Variants in SLC24A3 observed in about 807,000 individuals in gnomAD.
The protein encoded by SLC24A3 is sodium/potassium/calcium exchanger 3.
SLC24A3 carries 28 observed loss-of-function variants against 75.8 expected under a neutral mutation model. That is an observed-to-expected ratio of 0.37 (90% CI 0.27 to 0.51). The LOEUF (loss-of-function observed/expected upper bound fraction) is 0.51. Among genes scored for constraint, SLC24A3 ranks in the 20% least tolerant of loss-of-function variants. SLC24A3 has a pLI of 0.94. For synonymous variants in SLC24A3, 372 were observed against 334.1 expected, an observed-to-expected ratio of 1.11 and a Z score of -1.24; for missense variants, 663 against 847.8, an observed-to-expected ratio of 0.78 and a Z score of 2.71.
chr20:19,436,844 G>C (rs1176881265), intron 2 of SLC24A3, among the ~76,000 whole-genome samples: 1 of 152,084 alleles, frequency 6.6e-6, no homozygotes, highest in Non-Finnish European at 1.5e-5. Context: ...GACCATTTTT[G>C]GTTCAGCACA....
intron 9 of SLC24A3, among the ~76,000 whole-genome samples, chr20:19,677,686 C>CTTTTTT (rs796484728): frequency 3.5e-5 from 4 of 113,928 alleles, no homozygotes; most frequent in Non-Finnish European, 5.4e-5. Flanking sequence ...TTTTTTTTTT[C>CTTTTTT]TTTTTTTTTT....
At chr20:19,321,893 A>G (rs1984715745) in intron 2 of SLC24A3, among the ~76,000 whole-genome samples, 1 of 152,002 alleles carries the variant, frequency 6.6e-6, no homozygotes, top group Non-Finnish European at 1.5e-5. Context: ...ATCTCCTGCC[A>G]TTTTCTTTTT....
intron 12 of SLC24A3, among the ~76,000 whole-genome samples, chr20:19,691,281 G>A (rs1004453934): frequency 6.6e-6 from 1 of 152,224 alleles, no homozygotes; most frequent in African/African-American, 2.4e-5. Context: ...AGTGGCCTGC[G>A]TGACAGGGCA....
intron 2 of SLC24A3, among the ~76,000 whole-genome samples, chr20:19,296,924 A>G (rs1239050418): frequency 6.6e-6 from 1 of 152,298 alleles, no homozygotes; most frequent in East Asian, 1.9e-4. Context: ...AATTTTCCAA[A>G]TATTTTTTAT....
chr20:19,239,801 G>A (rs1404354647), intron 1 of SLC24A3, among the ~76,000 whole-genome samples: 1 of 152,208 alleles, frequency 6.6e-6, no homozygotes, highest in Non-Finnish European at 1.5e-5. Context: ...GGGAGTGGAG[G>A]CATGGGTGAG....
At chr20:19,297,645 T>C in intron 2 of SLC24A3, among the ~76,000 whole-genome samples, 1 of 152,254 alleles carries the variant, frequency 6.6e-6, no homozygotes, top group Non-Finnish European at 1.5e-5. Context: ...TCTATACATA[T>C]TGATGACATA....
intron 6 of SLC24A3, among the ~76,000 whole-genome samples, chr20:19,653,745 C>T (rs1178479390): frequency 6.6e-6 from 1 of 152,174 alleles, no homozygotes; most frequent in Non-Finnish European, 1.5e-5. Flanking sequence ...GACAGTGCAC[C>T]CAACCATCCC....
intron 3 of SLC24A3, among the ~76,000 whole-genome samples, chr20:19,540,384 C>T (rs1372882424): frequency 2.0e-5 from 3 of 152,208 alleles, no homozygotes; most frequent in Non-Finnish European, 2.9e-5. Flanking sequence ...TCTCTGCCAT[C>T]GCTGGAACAG....
chr20:19,514,245 G>A (rs1568640443), intron 2 of SLC24A3, among the ~76,000 whole-genome samples: 1 of 152,202 alleles, frequency 6.6e-6, no homozygotes, highest in Non-Finnish European at 1.5e-5. Flanking sequence ...TAGCAGCACT[G>A]TCTTTGTCTC....
intron 10 of SLC24A3, among the ~76,000 whole-genome samples, chr20:19,682,541 C>A (rs1397734252): frequency 3.9e-5 from 6 of 152,164 alleles, no homozygotes; most frequent in Non-Finnish European, 7.3e-5. Context: ...CTGCAGAGAA[C>A]AGGATGGCAA....
chr20:19,305,824 G>T (rs1156303239), intron 2 of SLC24A3, among the ~76,000 whole-genome samples: 5 of 152,112 alleles, frequency 3.3e-5, no homozygotes, highest in Non-Finnish European at 5.9e-5. Flanking sequence ...CGTTGGCAAA[G>T]AATTTATGAC....
chr20:19,688,043 A>C (rs2032699447), intron 12 of SLC24A3, among the ~76,000 whole-genome samples: 2 of 152,116 alleles, frequency 1.3e-5, no homozygotes, highest in Admixed American at 6.6e-5. Context: ...GTGTGGTCGT[A>C]CCATCCCGTG....
At chr20:19,388,111 TGTTA>T (rs1986303050) in intron 2 of SLC24A3, among the ~76,000 whole-genome samples, 1 of 152,154 alleles carries the variant, frequency 6.6e-6, no homozygotes. Context: ...CTAATTACGC[TGTTA>T]GTTATTTTAA....
chr20:19,479,305 A>G (rs926431463), intron 2 of SLC24A3, among the ~76,000 whole-genome samples: 1 of 152,018 alleles, frequency 6.6e-6, no homozygotes, highest in African/African-American at 2.4e-5. Flanking sequence ...CACTTTACCC[A>G]TTTTGCACAC....
In SLC24A3 at chr20:19,556,467, T is replaced by C. The variant is rs117234319; in HGVS notation, c.349-23533T>C. The stretch of plus-strand genomic sequence containing the variant: ...TGAATAATTTCACCATTAAGTCATT[T>C]AATACGTGTGGGTTTTCTTCCAGCA... On this transcript the variant is annotated intron_variant, in intron 3 of 16. Transcript: ENST00000328041. Among the ~76,000 whole-genome samples, 7 of 152,228 alleles carry C rather than the reference T, an allele frequency of 4.6e-5. No individual in the cohort carries two copies. In the East Asian group the frequency reaches 1.4e-3, roughly 29 times the overall value.
At chr20:19,218,833 G>T (rs560817160) in intron 1 of SLC24A3, among the ~76,000 whole-genome samples, 3 of 152,182 alleles carry the variant, frequency 2.0e-5, no homozygotes, top group African/African-American at 7.2e-5. Flanking sequence ...CTGTATGGAG[G>T]TTTCTTTTCC....
At position 19,301,563 on chromosome 20, in the gene SLC24A3, A is replaced by G. The variant is rs55704163; in HGVS notation, c.271+20476A>G. Among the ~76,000 whole-genome samples the G allele has an allele frequency of 2.5e-3, 382 of 152,318 alleles. 3 individuals are homozygous for G. Among genetic ancestry groups the G allele is most frequent in the African/African-American group, 9.0e-3 (375 of 41,564 alleles). ...ATTCCATGGGCAACTGGGATTATTA[A>G]CATTGTCTTCCTTGTGGCAAGCCAA... On this transcript the variant is annotated intron_variant, in intron 2 of 16. Transcript: ENST00000328041.
At position 19,526,290 on chromosome 20, in the gene SLC24A3, C is replaced by G. The variant is rs113714331; in HGVS notation, c.348+10726C>G. Among the ~76,000 whole-genome samples, 3 of 152,316 alleles carry G rather than the reference C, an allele frequency of 2.0e-5. 1 individual carries two copies. The highest frequency in any genetic ancestry group is 7.2e-5 in the African/African-American group (3 of 41,576). On this transcript the variant is annotated intron_variant, in intron 3 of 16. Coordinates refer to ENST00000328041, the MANE Select transcript of SLC24A3 (RefSeq NM_020689.4). ...CTTCCCAGGATTAGTGTGGAGGTCA[C>G]GAGTGCAAGCCCTGGCTATGCCACG...
At chr20:19,239,589 C>T (rs1451675927) in intron 1 of SLC24A3, among the ~76,000 whole-genome samples, 1 of 152,216 alleles carries the variant, frequency 6.6e-6, no homozygotes, top group Non-Finnish European at 1.5e-5. Flanking sequence ...CTTTCTTCCT[C>T]CATTCACTTC....
Sources: gnomAD v4.1 joint callset for allele counts (sites outside exome capture counted in the v4.1 genomes callset) on GRCh38, gnomAD v4.1.1 for gene constraint, MANE v1.5 for transcripts, NCBI Gene and HGNC (gene_info 2026-07-23, HGNC 2026-07-21) for gene names.